The following SHISA9 variants were observed in gnomAD, a reference collection of about 807,000 sequenced individuals.
The protein encoded by SHISA9 is protein shisa-9.
A neutral mutation model predicts 38.0 loss-of-function variants in SHISA9; 13 were observed. The ratio of observed to expected loss-of-function variants is 0.34; its 90% CI spans 0.22 to 0.54. The LOEUF is 0.54. SHISA9 is among the 20% of genes least tolerant of loss of function. The pLI, the probability that SHISA9 is intolerant of heterozygous loss-of-function variation, is 0.91. For missense variants in SHISA9, 538 were observed against 575.8 expected, an observed-to-expected ratio of 0.93 and a Z score of 0.67; for synonymous variants, 275 against 242.0, an observed-to-expected ratio of 1.14 and a Z score of -1.27.
chr16:13,477,149 C>T, the SHISA9 span, among the ~76,000 whole-genome samples: 4 of 152,034 alleles, frequency 2.6e-5, no homozygotes, highest in Non-Finnish European at 5.9e-5. Context: ...CTGGACTTGT[C>T]GCTGGAGAAA....
chr16:13,543,285 T>A, the SHISA9 span, among the ~76,000 whole-genome samples: 1 of 152,172 alleles, frequency 6.6e-6, no homozygotes, highest in Non-Finnish European at 1.5e-5. Flanking sequence ...GAGGGGTGTG[T>A]TTATTTTCAA....
At chr16:13,191,102 A>T (rs1204600528) in intron 2 of SHISA9, among the ~76,000 whole-genome samples, 1 of 152,202 alleles carries the variant, frequency 6.6e-6, no homozygotes, top group African/African-American at 2.4e-5. Context: ...AAAAACCTAC[A>T]TGGTATTTCA....
intron 2 of SHISA9, among the ~76,000 whole-genome samples, chr16:13,066,023 A>G (rs1301830520): frequency 2.0e-5 from 3 of 152,212 alleles, no homozygotes; most frequent in Non-Finnish European, 4.4e-5. Context: ...TACCATCCAA[A>G]GGGTCTTTCC....
chr16:13,038,760 C>G (rs566651696), intron 2 of SHISA9, among the ~76,000 whole-genome samples: 1 of 152,290 alleles, frequency 6.6e-6, no homozygotes, highest in South Asian at 2.1e-4. Flanking sequence ...CCTCACTAGA[C>G]CTTAAGCTCC....
the SHISA9 span, among the ~76,000 whole-genome samples, chr16:13,444,969 C>T: frequency 1.5e-5 from 2 of 137,150 alleles, no homozygotes; most frequent in African/African-American, 5.4e-5. Context: ...TGGGCACACA[C>T]CACCATGCCT....
chr16:13,505,012 G>A, the SHISA9 span, among the ~76,000 whole-genome samples: 2 of 152,118 alleles, frequency 1.3e-5, no homozygotes, highest in African/African-American at 2.4e-5. Flanking sequence ...CTGTGACTAC[G>A]TGCCAGGAAT....
intron 2 of SHISA9, among the ~76,000 whole-genome samples, chr16:13,132,710 G>C (rs950362099): frequency 1.3e-5 from 2 of 152,134 alleles, no homozygotes; most frequent in African/African-American, 4.8e-5. Flanking sequence ...CTGATGAAGG[G>C]AAAAATTAAC....
At chr16:13,541,572 C>T in the SHISA9 span, among the ~76,000 whole-genome samples, 6 of 152,208 alleles carry the variant, frequency 3.9e-5, no homozygotes, top group Non-Finnish European at 7.3e-5. Flanking sequence ...AAGACCTCAA[C>T]ATTTAAATGA....
the SHISA9 span, among the ~76,000 whole-genome samples, chr16:13,499,664 A>G: frequency 1.3e-5 from 2 of 152,180 alleles, no homozygotes; most frequent in East Asian, 3.8e-4. Context: ...CAGAATCTCA[A>G]AGGTCACAGT....
At chr16:13,222,537 C>T (rs187202076) in intron 4 of SHISA9, among the ~76,000 whole-genome samples, 25 of 152,180 alleles carry the variant, frequency 1.6e-4, no homozygotes, top group South Asian at 2.1e-4. Context: ...TTCACTGGTG[C>T]GATATCAGTC....
chr16:13,359,912 C>G, the SHISA9 span, among the ~76,000 whole-genome samples: 1 of 152,180 alleles, frequency 6.6e-6, no homozygotes, highest in Non-Finnish European at 1.5e-5. Context: ...TCATGTTGAG[C>G]TGGTCCCCCA....
intron 2 of SHISA9, among the ~76,000 whole-genome samples, chr16:13,159,350 T>G (rs1392827511): frequency 2.0e-5 from 3 of 152,208 alleles, no homozygotes; most frequent in Non-Finnish European, 4.4e-5. Flanking sequence ...GGCTTCCTTT[T>G]CCTAGCTGTG....
the SHISA9 span, among the ~76,000 whole-genome samples, chr16:13,367,708 GCGCGCACACACACACACACACA>G: frequency 1.7e-5 from 2 of 116,670 alleles, no homozygotes; most frequent in South Asian, 2.9e-4. Context: ...GCGCGCGCGC[GCGCGCACACACACACACACACA>G]CACACACACA....
At chr16:13,007,075 T>A (rs895876181) in intron 2 of SHISA9, among the ~76,000 whole-genome samples, 1 of 152,182 alleles carries the variant, frequency 6.6e-6, no homozygotes, top group African/African-American at 2.4e-5. Context: ...TGGATTCTAT[T>A]CATGTGCCAG....
the SHISA9 span, among the ~76,000 whole-genome samples, chr16:13,424,940 A>C: frequency 1.2e-4 from 18 of 152,178 alleles, no homozygotes; most frequent in African/African-American, 3.6e-4. Flanking sequence ...AGGAGAGGAA[A>C]GTGAAATCAT....
chr16:13,181,885 T>C (rs955154995), intron 2 of SHISA9, among the ~76,000 whole-genome samples: 1 of 152,154 alleles, frequency 6.6e-6, no homozygotes, highest in African/African-American at 2.4e-5. Flanking sequence ...TCACTTAGAA[T>C]TATTTTAAGG....
the SHISA9 span, among the ~76,000 whole-genome samples, chr16:13,561,984 C>G: frequency 6.6e-6 from 1 of 152,178 alleles, no homozygotes; most frequent in African/African-American, 2.4e-5. Flanking sequence ...AGAGCTCTGT[C>G]TCTTTTTAAC....
At chr16:13,144,992 A>G (rs932731083) in intron 2 of SHISA9, among the ~76,000 whole-genome samples, 12 of 152,226 alleles carry the variant, frequency 7.9e-5, no homozygotes, top group African/African-American at 2.9e-4. Context: ...AGGAGGGAGC[A>G]TCTTTCTTAA....
chr16:13,490,976 G>C, the SHISA9 span, among the ~76,000 whole-genome samples: 1 of 152,120 alleles, frequency 6.6e-6, no homozygotes, highest in Admixed American at 6.5e-5. Flanking sequence ...AGGCTGTATT[G>C]CTGCAAGATG....
Sources: allele counts gnomAD v4.1 joint callset (sites outside exome capture counted in the v4.1 genomes callset), GRCh38; gene constraint gnomAD v4.1.1; transcripts MANE v1.5; gene names NCBI Gene and HGNC (gene_info 2026-07-23, HGNC 2026-07-21).